IL1RAPL1: variants seen among roughly 807,000 people sequenced by gnomAD.
IL1RAPL1 encodes the protein interleukin-1 receptor accessory protein-like 1.
Under a neutral mutation model 48.4 loss-of-function variants are expected in IL1RAPL1, and 3 were observed. That is an observed-to-expected ratio of 0.06 (90% CI 0.03 to 0.16). The LOEUF is 0.16. Ranked by LOEUF, IL1RAPL1 falls within the 10% of genes least tolerant of loss-of-function variation. The probability of loss-of-function intolerance (pLI) is 1.00; values close to 1 mark genes in which losing one functional copy is unlikely to be tolerated. For synonymous variants in IL1RAPL1, 185 were observed against 187.7 expected (o/e 0.99, Z 0.12); for missense variants, 349 against 530.6 (o/e 0.66, Z 3.36).
chrX:29,260,003 A>G (rs1931824604), intron 2 of IL1RAPL1, among the ~76,000 whole-genome samples: 1 of 111,972 alleles, frequency 8.9e-6, no homozygotes. Context: ...TTCCCATGAG[A>G]GTTATTTATC....
chrX:28,653,335 C>T (rs1463833203), intron 1 of IL1RAPL1, among the ~76,000 whole-genome samples: 6 of 110,160 alleles, frequency 5.4e-5, no homozygotes, highest in African/African-American at 2.0e-4. Context: ...ATTAGCCAGG[C>T]GTGGTGGCAG....
At chrX:28,646,146 T>C (rs1446267792) in intron 1 of IL1RAPL1, among the ~76,000 whole-genome samples, 1 of 111,907 alleles carries the variant, frequency 8.9e-6, no homozygotes, top group Non-Finnish European at 1.9e-5. Flanking sequence ...TGGGGGGTGA[T>C]TTAAGGATTA....
chrX:29,179,171 A>G (rs1396975939), intron 2 of IL1RAPL1, among the ~76,000 whole-genome samples: 2 of 110,897 alleles, frequency 1.8e-5, no homozygotes, highest in East Asian at 5.7e-4. Flanking sequence ...CATTGAATCT[A>G]TAAATTACCT....
chrX:29,521,669 C>T (rs1023584433), intron 5 of IL1RAPL1, among the ~76,000 whole-genome samples: 3 of 111,551 alleles, frequency 2.7e-5, no homozygotes, highest in East Asian at 5.6e-4. Flanking sequence ...GTATATGATG[C>T]GGTAATCCTG....
rs142488315 is a variant in IL1RAPL1, at chrX:29,792,988, T to C, written c.779-124476T>C. The stretch of plus-strand genomic sequence containing the variant: ...GATTGACCCTTGCACAATGTATATA[T>C]ACTTCAAAACATCATGTTATAAACA... On this transcript the variant is annotated intron_variant, in intron 6 of 10. Coordinates refer to ENST00000378993, the MANE Select transcript of IL1RAPL1 (RefSeq NM_014271.4). 4.9e-3 allele frequency among the ~76,000 whole-genome samples: 551 copies of C among 112,137 alleles called. 4 individuals are homozygous for C. Among genetic ancestry groups the C allele is most frequent in the African/African-American group, 0.017 (514 of 30,920 alleles).
At chrX:29,814,138 CTGTCT>C (rs2147179385) in intron 6 of IL1RAPL1, among the ~76,000 whole-genome samples, 1 of 112,131 alleles carries the variant, frequency 8.9e-6, no homozygotes, top group East Asian at 2.8e-4. Flanking sequence ...AATGGTAGTT[CTGTCT>C]TAAGTTATTT....
At chrX:29,553,926 C>CT (rs749588158) in intron 5 of IL1RAPL1, among the ~76,000 whole-genome samples, 2,948 of 99,705 alleles carry the variant, frequency 0.03, 82 homozygotes, top group African/African-American at 0.081. Context: ...ATCCAGTGGC[C>CT]TTTTTTTTTT....
rs750081673 is a variant in IL1RAPL1 at position 29,358,250 on chromosome X, T to TC, written c.363-38006dup. Among the ~76,000 whole-genome samples the TC allele has an allele frequency of 6.3e-5, 7 of 110,995 alleles. No individual in the cohort carries two copies. The East Asian group carries it at 2.0e-3, about 32-fold the overall frequency. On this transcript the variant is annotated intron_variant, in intron 3 of 10. Coordinates refer to ENST00000378993, the MANE Select transcript of IL1RAPL1 (RefSeq NM_014271.4). ...GCCTCTGAGGCTGCTTCTGCAGCCTTCCAATCTCCTTTGGTTCAAAGTAAT... is the reference window on the plus strand; with the variant it reads ...GCCTCTGAGGCTGCTTCTGCAGCCTTCCCAATCTCCTTTGGTTCAAAGTAAT...
intron 2 of IL1RAPL1, among the ~76,000 whole-genome samples, chrX:29,205,774 G>A (rs1198128065): frequency 5.5e-5 from 6 of 108,525 alleles, no homozygotes; most frequent in East Asian, 2.8e-4. Context: ...TCACTCTGTC[G>A]CCCAGGCTGG....
intron 2 of IL1RAPL1, among the ~76,000 whole-genome samples, chrX:29,039,470 C>T (rs1002517613): frequency 2.2e-4 from 25 of 111,399 alleles, no homozygotes; most frequent in African/African-American, 7.8e-4. Context: ...CCTGTAAAAA[C>T]GGAATTCAGG....
chrX:29,769,426 A>AGTT (rs1569163984), intron 6 of IL1RAPL1, among the ~76,000 whole-genome samples: 2 of 46,438 alleles, frequency 4.3e-5, no homozygotes, highest in African/African-American at 1.1e-4. Flanking sequence ...ACTGCCAAAC[A>AGTT]GTTTTTTTTT....
chrX:29,165,782 G>A (rs1929775957), intron 2 of IL1RAPL1, among the ~76,000 whole-genome samples: 1 of 111,687 alleles, frequency 9.0e-6, no homozygotes, highest in Non-Finnish European at 1.9e-5. Flanking sequence ...TTAATGTCAA[G>A]CCTGATTCAT....
rs188698450 is a variant in IL1RAPL1 at position 29,110,916 on chromosome X, A to G, written c.83-172022A>G. ...TTCTTCTGATTTTTACAAAATAAAA[A>G]TCCTCCTGCATCCCATAGATAACCA... On this transcript the variant is annotated intron_variant, in intron 2 of 10. Coordinates refer to ENST00000378993, the MANE Select transcript of IL1RAPL1 (RefSeq NM_014271.4). 6.8e-4 allele frequency among the ~76,000 whole-genome samples: 76 copies of G among 111,160 alleles called. 1 individual carries two copies. The highest frequency in any genetic ancestry group is 2.1e-3 in the African/African-American group (65 of 30,628).
intron 3 of IL1RAPL1, among the ~76,000 whole-genome samples, chrX:29,311,746 G>A (rs992011059): frequency 5.4e-5 from 6 of 111,582 alleles, no homozygotes; most frequent in African/African-American, 1.3e-4. Flanking sequence ...GTCTAACCTA[G>A]CATTTCCCAA....
At chrX:28,779,007 G>T (rs945007010) in intron 1 of IL1RAPL1, among the ~76,000 whole-genome samples, 1 of 111,544 alleles carries the variant, frequency 9.0e-6, no homozygotes, top group Admixed American at 9.5e-5. Flanking sequence ...TTAGATATTG[G>T]AATGTCAAGT....
At chrX:29,029,602 A>G (rs748347084) in intron 2 of IL1RAPL1, among the ~76,000 whole-genome samples, 4 of 111,756 alleles carry the variant, frequency 3.6e-5, no homozygotes, top group South Asian at 7.5e-4. Context: ...GTCCTATTCT[A>G]TGGTCTTGCT....
chrX:28,978,398 T>G (rs894240242), intron 2 of IL1RAPL1, among the ~76,000 whole-genome samples: 4 of 111,295 alleles, frequency 3.6e-5, no homozygotes, highest in Non-Finnish European at 7.5e-5. Flanking sequence ...AAGGAGGTGT[T>G]GGAGGTGTGA....
At chrX:29,313,286 T>TGTGC (rs1245878069) in intron 3 of IL1RAPL1, among the ~76,000 whole-genome samples, 22 of 96,804 alleles carry the variant, frequency 2.3e-4, no homozygotes, top group East Asian at 5.9e-4. Flanking sequence ...TGTGTGTGTG[T>TGTGC]GCGCGCGCAC....
intron 5 of IL1RAPL1, among the ~76,000 whole-genome samples, chrX:29,524,991 T>C (rs1319000924): frequency 8.9e-6 from 1 of 112,408 alleles, no homozygotes; most frequent in African/African-American, 3.2e-5. Flanking sequence ...GCTACTATTG[T>C]AAATTGACAA....
Sources: gnomAD v4.1 joint callset for allele counts (sites outside exome capture counted in the v4.1 genomes callset) on GRCh38, gnomAD v4.1.1 for gene constraint, MANE v1.5 for transcripts, NCBI Gene and HGNC (gene_info 2026-07-23, HGNC 2026-07-21) for gene names.